Variants in TTC28 observed in about 807,000 individuals in gnomAD.
The protein encoded by TTC28 is tetratricopeptide repeat domain 28.
Under a neutral mutation model 198.0 loss-of-function variants are expected in TTC28, and 61 were observed. The observed-to-expected ratio is 0.31, with a 90% confidence interval of 0.25 to 0.38. The LOEUF (loss-of-function observed/expected upper bound fraction) is 0.38. Ranked by LOEUF, TTC28 falls within the 10% of genes least tolerant of loss-of-function variation. TTC28 has a pLI of 1.00. For synonymous variants in TTC28, 1,171 were observed against 1,297.8 expected, an observed-to-expected ratio of 0.90 and a Z score of 2.10; for missense variants, 2,678 against 3,164.0, an observed-to-expected ratio of 0.85 and a Z score of 3.69.
chr22:28,370,613 A>C (rs2046317565), intron 2 of TTC28, among the ~76,000 whole-genome samples: 1 of 152,198 alleles, frequency 6.6e-6, no homozygotes, highest in Non-Finnish European at 1.5e-5. Flanking sequence ...TTATAATAAT[A>C]TATTTATCCA....
chr22:27,992,606 C>A lies in TTC28; in HGVS notation c.5534G>T (p.Gly1845Val). ...LCKLITASET[G>V]EQLISRAVKN... is the part of the protein sequence containing the mutation. ...ACTTACCCGGCTGATGAGCTGCTCG[C>A]CCGTCTCGGAGGCAGTGATGAGTTT... The change falls in exon 19 of 23, where the codon GGC becomes GTC. Residue 1845 changes from glycine to valine, a missense_variant. Gly to Val is a moderately radical substitution (Grantham distance 109). Around this residue, in one of 8 missense-constraint regions of TTC28, gnomAD observed 314 missense variants for 442.7 expected, o/e 0.71. Transcript: ENST00000397906. 6.4e-7 allele frequency: 1 copy of A among 1,551,606 alleles called. No homozygotes were observed. Among genetic ancestry groups the A allele is most frequent in the Non-Finnish European group, 8.7e-7 (1 of 1,146,978 alleles).
At chr22:28,167,475 G>T (rs1288422879) in intron 5 of TTC28, among the ~76,000 whole-genome samples, 1 of 152,160 alleles carries the variant, frequency 6.6e-6, no homozygotes, top group Non-Finnish European at 1.5e-5. Context: ...TATACACCAC[G>T]ATCACGTGGA....
At chr22:28,038,223 C>T (rs1044385276) in intron 12 of TTC28, among the ~76,000 whole-genome samples, 2 of 152,108 alleles carry the variant, frequency 1.3e-5, no homozygotes, top group African/African-American at 4.8e-5. Context: ...CAATCCTAAG[C>T]CAAAAGAACA....
chr22:28,677,072 T>A (rs1214484044), intron 1 of TTC28, among the ~76,000 whole-genome samples: 1 of 149,420 alleles, frequency 6.7e-6, no homozygotes. Flanking sequence ...GGAGAATTGC[T>A]TGAGCCAGGA....
At chr22:28,534,422 G>C (rs2049217966) in intron 2 of TTC28, among the ~76,000 whole-genome samples, 1 of 152,182 alleles carries the variant, frequency 6.6e-6, no homozygotes, top group African/African-American at 2.4e-5. Context: ...AACAGGTGCT[G>C]GACAGGATGT....
At chr22:28,628,821 T>C (rs2051120110) in intron 2 of TTC28, among the ~76,000 whole-genome samples, 1 of 151,952 alleles carries the variant, frequency 6.6e-6, no homozygotes, top group African/African-American at 2.4e-5. Context: ...ATACCTGTAG[T>C]CCCAGCTACT....
chr22:28,369,881 T>C (rs930364180), intron 2 of TTC28, among the ~76,000 whole-genome samples: 1 of 152,202 alleles, frequency 6.6e-6, no homozygotes, highest in Non-Finnish European at 1.5e-5. Flanking sequence ...TGAAATCATA[T>C]ATATGCTTCA....
chr22:28,251,768 T>A (rs1478830390), intron 5 of TTC28, among the ~76,000 whole-genome samples: 1 of 152,200 alleles, frequency 6.6e-6, no homozygotes, highest in African/African-American at 2.4e-5. Context: ...TTAAAAGGGC[T>A]ATGAGATAGG....
At chr22:28,306,684 C>T (rs1207752142) in intron 2 of TTC28, 41 bp from the exon 3 acceptor site, 14 of 1,543,118 alleles carry the variant, frequency 9.1e-6, no homozygotes, top group Middle Eastern at 4.1e-4. Context: ...TGCCTGTGCT[C>T]CAACAAGGCT....
intron 18 of TTC28, 97 bp from the exon 19 acceptor site, chr22:27,992,760 C>T (rs544483941): frequency 4.6e-5 from 56 of 1,229,094 alleles, no homozygotes; most frequent in Admixed American, 9.9e-5. Flanking sequence ...TCCTTGGCAT[C>T]GGTGGCATTT....
rs142748249 is a variant in TTC28, at chr22:28,299,796, T to C, written c.530-1944A>G. On this transcript the variant is annotated intron_variant, in intron 3 of 22. Coordinates refer to ENST00000397906, the MANE Select transcript of TTC28 (RefSeq NM_001145418.2). The stretch of plus-strand genomic sequence containing the variant: ...ATCCCAAGTTGGAAAGCTTGGGACA[T>C]AACCAAGATAAGAACACACTGCAGG... Among the ~76,000 whole-genome samples, 47 of 152,300 alleles carry C rather than the reference T, an allele frequency of 3.1e-4. No homozygotes were observed. In the East Asian group the frequency reaches 6.9e-3, roughly 22 times the overall value.
chr22:28,503,775 T>C (rs1340025182), intron 2 of TTC28, among the ~76,000 whole-genome samples: 2 of 152,214 alleles, frequency 1.3e-5, no homozygotes, highest in African/African-American at 4.8e-5. Context: ...AATTAATAAG[T>C]AGTCATTAGC....
chr22:28,126,068 C>T (rs1048178216), intron 6 of TTC28, among the ~76,000 whole-genome samples: 2 of 151,978 alleles, frequency 1.3e-5, no homozygotes, highest in Admixed American at 6.6e-5. Flanking sequence ...ACATATGAAA[C>T]GAGAGGATGT....
chr22:28,332,535 A>G (rs1004854170), intron 2 of TTC28, among the ~76,000 whole-genome samples: 9 of 152,074 alleles, frequency 5.9e-5, no homozygotes, highest in African/African-American at 2.2e-4. Context: ...AAACTACCAA[A>G]TATTCTGCAA....
At chr22:28,219,675 CAA>C (rs1337314216) in intron 5 of TTC28, among the ~76,000 whole-genome samples, 3 of 152,000 alleles carry the variant, frequency 2.0e-5, no homozygotes, top group East Asian at 1.9e-4. Context: ...AACCAAAGAT[CAA>C]GAGAGGTTAA....
chr22:27,983,117 C>G lies in TTC28; in HGVS notation c.6550G>C (p.Gly2184Arg), dbSNP rs776681243. Residue 2184 changes from glycine to arginine, a missense_variant, in exon 23 of 23, where the codon GGC becomes CGC. By Grantham distance (125) the Gly-to-Arg change is moderately radical. Transcript: ENST00000397906. ...TTATTACTCTTGCTCACCTGGCCGC[C>G]GCTCCTCTGAAGACGCTCCACCGCA... is the stretch of plus-strand genomic sequence containing the variant. Reference protein sequence around the residue: ...LIAVERLQRSGGQVSKSNNPE... With the variant: ...LIAVERLQRSRGQVSKSNNPE... The G allele has an allele frequency of 1.3e-6, 2 of 1,551,738 alleles. No individual in the cohort carries two copies. Among genetic ancestry groups the G allele is most frequent in the Non-Finnish European group, 1.7e-6 (2 of 1,147,016 alleles).
chr22:28,386,274 CAAAAAAAAAAAAAAAAAAAAAAAA>C (rs71194764), intron 2 of TTC28, among the ~76,000 whole-genome samples: 1 of 52,220 alleles, frequency 1.9e-5, no homozygotes, highest in African/African-American at 6.8e-5. Flanking sequence ...GACTCCGTCT[CAAAAAAAAAAAAAAAAAAAAAAAA>C]AAAAAAAAGA....
intron 5 of TTC28, among the ~76,000 whole-genome samples, chr22:28,235,551 AGTTTC>A: frequency 1.3e-5 from 2 of 152,356 alleles, no homozygotes; most frequent in East Asian, 3.9e-4. Context: ...CATTTTATAA[AGTTTC>A]TAGAATAGAA....
intron 2 of TTC28, among the ~76,000 whole-genome samples, chr22:28,579,572 CATGT>C (rs759044511): frequency 1.6e-4 from 23 of 144,626 alleles, no homozygotes; most frequent in Non-Finnish European, 3.0e-4. Context: ...TATACAAATG[CATGT>C]GTGTGTATAT....
Sources: gnomAD v4.1 joint callset for allele counts (sites outside exome capture counted in the v4.1 genomes callset) on GRCh38, gnomAD v4.1.1 for gene constraint, gnomAD v4.1.1 regional missense constraint, MANE v1.5 for transcripts, NCBI Gene and HGNC (gene_info 2026-07-23, HGNC 2026-07-21) for gene names.